UBE2B: variants seen among roughly 807,000 people sequenced by gnomAD.
UBE2B encodes ubiquitin-conjugating enzyme E2 B.
A neutral mutation model predicts 24.6 loss-of-function variants in UBE2B; 11 were observed. The ratio of observed to expected loss-of-function variants is 0.45; its 90% CI spans 0.28 to 0.74. The LOEUF (loss-of-function observed/expected upper bound fraction) is 0.74. Ranked by LOEUF, UBE2B falls within the 30% of genes least tolerant of loss-of-function variation. The pLI, the probability that UBE2B is intolerant of heterozygous loss-of-function variation, is 0.13. For synonymous variants in UBE2B, 68 were observed against 62.4 expected, an observed-to-expected ratio of 1.09 and a Z score of -0.42; for missense variants, 78 against 185.6, an observed-to-expected ratio of 0.42 and a Z score of 3.37.
chr5:134,380,184 T>C (rs1758686039), intron 3 of UBE2B, among the ~76,000 whole-genome samples: 1 of 152,210 alleles, frequency 6.6e-6, no homozygotes, highest in Non-Finnish European at 1.5e-5. Context: ...GTGCTGGAAT[T>C]ACAGGCGTGA....
chr5:134,379,075 A>G (rs1758657227), intron 3 of UBE2B, among the ~76,000 whole-genome samples: 1 of 152,122 alleles, frequency 6.6e-6, no homozygotes, highest in African/African-American at 2.4e-5. Context: ...ACCTGTTGTG[A>G]TTTTTTTGAT....
At position 134,371,584 on chromosome 5, in the gene UBE2B, C is replaced by A. The variant is rs371691768; in HGVS notation, c.-12C>A. On this transcript the variant is annotated 5_prime_UTR_variant, in exon 1 of 6. Transcript: ENST00000265339. ...TTTTTTTTTCAGACTGACCGCGGGGCAGCTGCGGAGCATGTCGACCCCGGC... is the reference window on the plus strand; with the variant it reads ...TTTTTTTTTCAGACTGACCGCGGGGAAGCTGCGGAGCATGTCGACCCCGGC... 22 of 1,612,090 alleles carry A rather than the reference C, an allele frequency of 1.4e-5. No homozygotes were observed. The highest frequency in any genetic ancestry group is 2.2e-5 in the South Asian group (2 of 91,046).
intron 2 of UBE2B, among the ~76,000 whole-genome samples, chr5:134,375,656 G>A (rs935356693): frequency 2.6e-5 from 4 of 151,882 alleles, no homozygotes; most frequent in African/African-American, 7.3e-5. Flanking sequence ...AAAATTAGCC[G>A]GGCGAGGTGG....
rs747399191 is a variant in UBE2B at position 134,383,473 on chromosome 5, C to CTTT, written c.241+2690_241+2692dup. Among the ~76,000 whole-genome samples, 356 of 79,980 alleles carry CTTT rather than the reference C, an allele frequency of 4.5e-3. 41 individuals carry two copies. The highest frequency in any genetic ancestry group is 0.016 in the African/African-American group (289 of 18,398). The allele number at this position is 79,980 out of a possible 152,430, so 52.5% of individuals were successfully genotyped here. ...TGCAGATGTGTGCCACCATACCCAGCTTTTTTTTTTTTTTTTTTTTTTTTT... is the reference window on the plus strand; with the variant it reads ...TGCAGATGTGTGCCACCATACCCAGCTTTTTTTTTTTTTTTTTTTTTTTTTTTT... On this transcript the variant is annotated intron_variant, in intron 4 of 5. Transcript: ENST00000265339.
chr5:134,383,357 T>C (rs1325743011), intron 4 of UBE2B, among the ~76,000 whole-genome samples: 2 of 151,960 alleles, frequency 1.3e-5, no homozygotes, highest in Non-Finnish European at 2.9e-5. Context: ...TCACACAGGC[T>C]GGAGTACAGT....
At chr5:134,373,013 C>T (rs998684444) in intron 1 of UBE2B, among the ~76,000 whole-genome samples, 1 of 152,164 alleles carries the variant, frequency 6.6e-6, no homozygotes, top group Non-Finnish European at 1.5e-5. Context: ...TACTGTAATG[C>T]TCTGCTTAAT....
chr5:134,375,797 CAAAAAAAA>C lies in UBE2B; in HGVS notation c.126-850_126-843del, dbSNP rs775635194. 2.5e-3 allele frequency among the ~76,000 whole-genome samples: 74 copies of C among 29,880 alleles called. 1 individual carries two copies. The highest frequency in any genetic ancestry group is 5.1e-3 in the Non-Finnish European group (68 of 13,392). The allele number at this position is 29,880 out of a possible 152,430, so 19.6% of individuals were successfully genotyped here. ...CCTGGGCGACAGCGAGACTCCGTCT[CAAAAAAAA>C]AAAAAAAAAAAAAAAAAAAAACTTT... On this transcript the variant is annotated intron_variant, in intron 2 of 5. Transcript: ENST00000265339.
At chr5:134,386,651 GAAAAT>G (rs1758807419) in intron 4 of UBE2B, among the ~76,000 whole-genome samples, 2 of 150,762 alleles carry the variant, frequency 1.3e-5, no homozygotes, top group South Asian at 4.2e-4. Flanking sequence ...AAAAGGAAAA[GAAAAT>G]AAGATCATCC....
rs868451384 is a variant in UBE2B at position 134,391,553 on chromosome 5, G to C, written c.*1200G>C. 6.6e-6 allele frequency: 1 copy of C among 152,474 alleles called. No homozygotes were observed. Among genetic ancestry groups the C allele is most frequent in the Non-Finnish European group, 1.5e-5 (1 of 68,008 alleles). 9.4% of individuals were successfully genotyped at this position (152,474 alleles called of 1,614,324 possible). A position where few individuals can be genotyped will look rare whatever the true frequency, so the allele number is the denominator to read the frequency against. ...AACCACCTGTGTAGTCTCTCTAGTA[G>C]TTAAAACAGCTATTTTAGTAACCCC... On this transcript the variant is annotated 3_prime_UTR_variant, in exon 6 of 6. Transcript: ENST00000265339.
intron 3 of UBE2B, among the ~76,000 whole-genome samples, chr5:134,377,418 A>G (rs1758627339): frequency 6.6e-6 from 1 of 152,236 alleles, no homozygotes; most frequent in Non-Finnish European, 1.5e-5. Flanking sequence ...AGAAATGGTT[A>G]AGCAAATTAT....
At position 134,371,578 on chromosome 5, in the gene UBE2B, G is replaced by T. The variant is rs1263736625; in HGVS notation, c.-18G>T. On this transcript the variant is annotated 5_prime_UTR_variant, in exon 1 of 6. Coordinates refer to ENST00000265339, the MANE Select transcript of UBE2B (RefSeq NM_003337.4). Reference sequence around the variant, plus strand: ...GGACTTTTTTTTTTTCAGACTGACCGCGGGGCAGCTGCGGAGCATGTCGAC... The same window carrying T: ...GGACTTTTTTTTTTTCAGACTGACCTCGGGGCAGCTGCGGAGCATGTCGAC... The T allele has an allele frequency of 1.2e-6, 2 of 1,611,462 alleles. No homozygotes were observed. Among genetic ancestry groups the T allele is most frequent in the Admixed American group, 1.7e-5 (1 of 59,928 alleles).
chr5:134,376,308 G>A (rs1221558859), intron 2 of UBE2B, among the ~76,000 whole-genome samples: 3 of 32,078 alleles, frequency 9.4e-5, no homozygotes, highest in African/African-American at 3.0e-4. Flanking sequence ...GGGGACAAGA[G>A]CAAAACTCCG....
At chr5:134,374,642 G>C in intron 2 of UBE2B, 179 bp downstream of exon 2, 1 of 662,798 alleles carries the variant, frequency 1.5e-6, no homozygotes, top group Non-Finnish European at 2.5e-6. Context: ...CACAGTAGTA[G>C]CTCAACGCCT....
chr5:134,379,977 G>A (rs919488588), intron 3 of UBE2B, among the ~76,000 whole-genome samples: 11 of 151,692 alleles, frequency 7.3e-5, no homozygotes, highest in African/African-American at 2.7e-4. Flanking sequence ...GTGCAATGGC[G>A]CGATCTCTGC....
intron 1 of UBE2B, among the ~76,000 whole-genome samples, chr5:134,372,077 C>T (rs935834291): frequency 6.6e-6 from 1 of 152,248 alleles, no homozygotes; most frequent in Middle Eastern, 3.2e-3. Flanking sequence ...TCCGAGGAGC[C>T]GTGTTGGGGC....
chr5:134,379,613 T>C (rs1441147597), intron 3 of UBE2B, among the ~76,000 whole-genome samples: 6 of 135,284 alleles, frequency 4.4e-5, no homozygotes, highest in Non-Finnish European at 6.1e-5. Context: ...GCCATTGCAC[T>C]CCAGCCTGGG....
intron 3 of UBE2B, 108 bp from the exon 4 acceptor site, chr5:134,380,611 A>G (rs1013515816): frequency 2.9e-6 from 2 of 687,570 alleles, no homozygotes; most frequent in Non-Finnish European, 5.3e-6. Flanking sequence ...CAACGTTGAC[A>G]TACTAACTTT....
chr5:134,390,076 A>G lies in UBE2B; in HGVS notation c.331-149A>G. 1.1e-6 allele frequency: 1 copy of G among 912,794 alleles called. No homozygotes were observed. Among genetic ancestry groups the G allele is most frequent in the Non-Finnish European group, 1.7e-6 (1 of 591,248 alleles). 56.5% of individuals were successfully genotyped at this position (912,794 alleles called of 1,614,324 possible). ...CATAGTATTTATCAAATCATTTCTA[A>G]AAGTATTTAGACCCAAAATTATATG... On this transcript the variant is annotated intron_variant, in intron 5 of 5. Coordinates refer to ENST00000265339, the MANE Select transcript of UBE2B (RefSeq NM_003337.4). The surrounding 1 kb of genome is among the most constrained non-coding windows in gnomAD (Gnocchi z 4.6).
intron 5 of UBE2B, chr5:134,388,952 T>G (rs1423577824): frequency 9.0e-5 from 30 of 333,836 alleles, no homozygotes; most frequent in Non-Finnish European, 1.4e-4. Context: ...AATTGTTTTT[T>G]TTTTTTTTTT....
Sources: allele counts gnomAD v4.1 joint callset (sites outside exome capture counted in the v4.1 genomes callset), GRCh38; gene constraint gnomAD v4.1.1; non-coding constraint Gnocchi (gnomAD v3.1); transcripts MANE v1.5; gene names NCBI Gene and HGNC (gene_info 2026-07-23, HGNC 2026-07-21).